AUTS2: variants seen among roughly 807,000 people sequenced by gnomAD.
The protein encoded by AUTS2 is autism susceptibility gene 2 protein.
Under a neutral mutation model 112.4 loss-of-function variants are expected in AUTS2, and 17 were observed. The ratio of observed to expected loss-of-function variants is 0.15; its 90% CI spans 0.10 to 0.23. The LOEUF (loss-of-function observed/expected upper bound fraction) is 0.23. Among genes scored for constraint, AUTS2 ranks in the 10% least tolerant of loss-of-function variants. The pLI is 1.00. For synonymous variants in AUTS2, 751 were observed against 702.7 expected (o/e 1.07, Z -1.09); for missense variants, 1,510 against 1,701.6 (o/e 0.89, Z 1.98).
chr7:70,420,729 A>T (rs902886296), intron 4 of AUTS2, among the ~76,000 whole-genome samples: 6 of 152,210 alleles, frequency 3.9e-5, no homozygotes, highest in African/African-American at 7.2e-5. Flanking sequence ...TAAAATTTTT[A>T]AAAATACCTA....
intron 5 of AUTS2, among the ~76,000 whole-genome samples, chr7:70,545,892 A>G (rs1488679121): frequency 6.6e-6 from 1 of 152,296 alleles, no homozygotes; most frequent in East Asian, 1.9e-4. Flanking sequence ...GAGATGAAAC[A>G]AGACTGGCCA....
At chr7:70,695,783 A>AT (rs1809058222) in intron 5 of AUTS2, among the ~76,000 whole-genome samples, 1 of 152,366 alleles carries the variant, frequency 6.6e-6, no homozygotes, top group East Asian at 1.9e-4. Flanking sequence ...ATCCAAAAAA[A>AT]CAAAAAAACA....
chr7:69,801,320 G>A (rs1229552306), intron 1 of AUTS2, among the ~76,000 whole-genome samples: 1 of 151,182 alleles, frequency 6.6e-6, no homozygotes, highest in African/African-American at 2.4e-5. Flanking sequence ...AAAGGAGATG[G>A]AAGTTGATAC....
chr7:70,362,409 T>C (rs908624349), intron 4 of AUTS2, among the ~76,000 whole-genome samples: 5 of 152,130 alleles, frequency 3.3e-5, no homozygotes, highest in African/African-American at 1.2e-4. Context: ...ACACAATACA[T>C]TGAGATTCTG....
intron 5 of AUTS2, among the ~76,000 whole-genome samples, chr7:70,622,460 T>A (rs773859603): frequency 3.3e-5 from 5 of 152,106 alleles, no homozygotes; most frequent in Non-Finnish European, 7.4e-5. Context: ...TCCCCACCGT[T>A]GCTACCCAGG....
chr7:70,046,716 T>C (rs1439957130), intron 2 of AUTS2, among the ~76,000 whole-genome samples: 1 of 152,212 alleles, frequency 6.6e-6, no homozygotes, highest in Non-Finnish European at 1.5e-5. Flanking sequence ...ATAAATTCAG[T>C]AGTACTATAT....
chr7:70,581,035 A>T (rs967010980), intron 5 of AUTS2, among the ~76,000 whole-genome samples: 1 of 152,156 alleles, frequency 6.6e-6, no homozygotes, highest in Non-Finnish European at 1.5e-5. Flanking sequence ...ACTTGAGGCC[A>T]GGAGTTTGAA....
At chr7:70,314,869 C>T (rs539217965) in intron 4 of AUTS2, among the ~76,000 whole-genome samples, 2 of 152,184 alleles carry the variant, frequency 1.3e-5, no homozygotes, top group Admixed American at 1.3e-4. Flanking sequence ...ATTCCTTTCC[C>T]TTTGCCTTGT....
intron 5 of AUTS2, among the ~76,000 whole-genome samples, chr7:70,618,659 C>T (rs1393217721): frequency 1.3e-5 from 2 of 152,140 alleles, no homozygotes; most frequent in Non-Finnish European, 2.9e-5. Flanking sequence ...CCCCCTCACC[C>T]CACACACACA....
intron 1 of AUTS2, among the ~76,000 whole-genome samples, chr7:69,847,221 TTTCTTTA>T (rs1197065566): frequency 2.0e-5 from 3 of 151,976 alleles, no homozygotes; most frequent in African/African-American, 7.3e-5. Flanking sequence ...AGAATAAGAG[TTTCTTTA>T]TTCATTAATT....
intron 4 of AUTS2, among the ~76,000 whole-genome samples, chr7:70,376,220 C>A (rs1448308607): frequency 6.6e-6 from 1 of 152,124 alleles, no homozygotes; most frequent in East Asian, 1.9e-4. Flanking sequence ...GTGTGAACAT[C>A]TTGCAGTTCG....
At chr7:70,394,498 A>G (rs576132542) in intron 4 of AUTS2, among the ~76,000 whole-genome samples, 62 of 152,346 alleles carry the variant, frequency 4.1e-4, no homozygotes, top group Non-Finnish European at 6.5e-4. Flanking sequence ...TAAATGCCCA[A>G]TGCTTATCCT....
At chr7:70,404,167 G>C (rs1794437245) in intron 4 of AUTS2, among the ~76,000 whole-genome samples, 1 of 152,176 alleles carries the variant, frequency 6.6e-6, no homozygotes. Context: ...GTGGGCAGAG[G>C]GTGTTGTGGA....
intron 4 of AUTS2, among the ~76,000 whole-genome samples, chr7:70,327,492 C>T (rs915133529): frequency 6.6e-6 from 1 of 152,170 alleles, no homozygotes; most frequent in Non-Finnish European, 1.5e-5. Context: ...AGAAATTTGC[C>T]TTGAGAATAG....
chr7:70,537,602 T>C (rs1249295821), intron 5 of AUTS2, among the ~76,000 whole-genome samples: 1 of 152,204 alleles, frequency 6.6e-6, no homozygotes, highest in Non-Finnish European at 1.5e-5. Context: ...GTTGCTACGA[T>C]AGGAGCGGAG....
chr7:69,970,989 A>G (rs1482626856), intron 2 of AUTS2, among the ~76,000 whole-genome samples: 1 of 152,158 alleles, frequency 6.6e-6, no homozygotes, highest in African/African-American at 2.4e-5. Context: ...CCTGAGCAAC[A>G]TAGCAAGACC....
At chr7:69,854,706 G>A (rs1174652811) in intron 1 of AUTS2, among the ~76,000 whole-genome samples, 5 of 152,242 alleles carry the variant, frequency 3.3e-5, no homozygotes, top group East Asian at 1.9e-4. Flanking sequence ...CTGTTGGAGT[G>A]TGATTGAGTG....
chr7:70,348,691 TC>T (rs1791612640), intron 4 of AUTS2, among the ~76,000 whole-genome samples: 1 of 151,724 alleles, frequency 6.6e-6, no homozygotes, highest in Non-Finnish European at 1.5e-5. Context: ...GCGCCTGTAG[TC>T]CCAGCTGCTA....
At chr7:70,036,528 C>G (rs1365235566) in intron 2 of AUTS2, among the ~76,000 whole-genome samples, 2 of 152,322 alleles carry the variant, frequency 1.3e-5, no homozygotes, top group East Asian at 3.9e-4. Context: ...TAGTTTCCCA[C>G]CTTGTTTCTC....
Sources: allele counts gnomAD v4.1 joint callset (sites outside exome capture counted in the v4.1 genomes callset), GRCh38; gene constraint gnomAD v4.1.1; transcripts MANE v1.5; gene names NCBI Gene and HGNC (gene_info 2026-07-23, HGNC 2026-07-21).